The following DACH1 variants were observed in gnomAD, a reference collection of about 807,000 sequenced individuals.
DACH1 encodes dachshund homolog 1.
DACH1 carries 12 observed loss-of-function variants against 54.2 expected under a neutral mutation model. That is an observed-to-expected ratio of 0.22 (90% confidence interval 0.14 to 0.36). DACH1 has a LOEUF of 0.36. DACH1 is among the 10% of genes least tolerant of loss of function. The pLI, the probability that DACH1 is intolerant of heterozygous loss-of-function variation, is 1.00. For synonymous variants in DACH1, 386 were observed against 366.2 expected (o/e 1.05, Z -0.62); for missense variants, 805 against 929.8 (o/e 0.87, Z 1.75).
intron 6 of DACH1, among the ~76,000 whole-genome samples, chr13:71,496,175 T>C (rs1013422546): frequency 6.7e-6 from 1 of 148,770 alleles, no homozygotes; most frequent in Admixed American, 6.8e-5. Context: ...GGGGCAGAGG[T>C]TGCGGTGAGC....
At chr13:71,782,530 TC>T (rs1886428955) in intron 1 of DACH1, among the ~76,000 whole-genome samples, 1 of 152,122 alleles carries the variant, frequency 6.6e-6, no homozygotes, top group Non-Finnish European at 1.5e-5. Flanking sequence ...CTTCCAGTAG[TC>T]CCAGTGCCTA....
intron 1 of DACH1, among the ~76,000 whole-genome samples, chr13:71,721,177 C>T (rs530054060): frequency 5.3e-5 from 8 of 152,184 alleles, no homozygotes; most frequent in African/African-American, 1.7e-4. Context: ...GAGCCTGATG[C>T]CCTCATAATA....
chr13:71,625,226 C>G (rs1876558503), intron 3 of DACH1, among the ~76,000 whole-genome samples: 1 of 151,894 alleles, frequency 6.6e-6, no homozygotes, highest in Non-Finnish European at 1.5e-5. Context: ...ATTCCCTCAT[C>G]TAATTATAGG....
At chr13:71,599,832 C>CAT (rs1874369020) in intron 3 of DACH1, among the ~76,000 whole-genome samples, 1 of 150,596 alleles carries the variant, frequency 6.6e-6, no homozygotes, top group South Asian at 2.1e-4. Flanking sequence ...CATTTCTACA[C>CAT]ACACACACAC....
chr13:71,813,277 T>A (rs569770103), intron 1 of DACH1, among the ~76,000 whole-genome samples: 1 of 152,308 alleles, frequency 6.6e-6, no homozygotes, highest in African/African-American at 2.4e-5. Flanking sequence ...ATAAAATTAT[T>A]TAGTATCACA....
intron 3 of DACH1, among the ~76,000 whole-genome samples, chr13:71,618,628 G>T (rs1273808814): frequency 6.6e-6 from 1 of 150,566 alleles, no homozygotes; most frequent in Non-Finnish European, 1.5e-5. Flanking sequence ...CAGAATTAGG[G>T]TTTTTTTTTA....
chr13:71,628,762 T>C (rs2138564145), intron 3 of DACH1, among the ~76,000 whole-genome samples: 1 of 152,286 alleles, frequency 6.6e-6, no homozygotes, highest in East Asian at 1.9e-4. Flanking sequence ...TCATGTACTA[T>C]CAAATATGAA....
intron 2 of DACH1, among the ~76,000 whole-genome samples, chr13:71,632,477 C>T (rs1489844505): frequency 5.3e-5 from 8 of 149,896 alleles, no homozygotes; most frequent in Non-Finnish European, 8.9e-5. Context: ...GTGCTCCAGC[C>T]GTTCGAATTT....
intron 6 of DACH1, among the ~76,000 whole-genome samples, chr13:71,522,944 A>ACT (rs1881708356): frequency 6.6e-6 from 1 of 152,098 alleles, no homozygotes; most frequent in East Asian, 1.9e-4. Context: ...TGTCTCTCCT[A>ACT]CTGTAAGGAC....
At chr13:71,540,417 T>C (rs1293302832) in intron 6 of DACH1, among the ~76,000 whole-genome samples, 3 of 152,118 alleles carry the variant, frequency 2.0e-5, no homozygotes, top group Admixed American at 2.0e-4. Flanking sequence ...GAAAAATAGA[T>C]TCTGTCACAT....
chr13:71,696,378 C>T (rs1363378707), intron 1 of DACH1, among the ~76,000 whole-genome samples: 1 of 152,018 alleles, frequency 6.6e-6, no homozygotes, highest in African/African-American at 2.4e-5. Flanking sequence ...TGGAATGGTT[C>T]CTTATGAGAG....
chr13:71,638,297 C>T (rs1420066640), intron 2 of DACH1, among the ~76,000 whole-genome samples: 1 of 152,160 alleles, frequency 6.6e-6, no homozygotes, highest in Non-Finnish European at 1.5e-5. Flanking sequence ...GTCGACAGTG[C>T]TCATGCACAG....
intron 1 of DACH1, among the ~76,000 whole-genome samples, chr13:71,818,540 A>G (rs1405290903): frequency 5.3e-5 from 8 of 152,102 alleles, no homozygotes; most frequent in Non-Finnish European, 8.8e-5. Context: ...GTTAATTATC[A>G]TCTCCGGGGC....
rs1555309409 is a variant in DACH1, at chr13:71,675,407, C to A, written c.964+6388G>T. On this transcript the variant is annotated intron_variant, in intron 2 of 10. Transcript: ENST00000613252. ...GACACCAACCTGTGTGCTATCCATGCCAAACGTGTAACAATTATGCCAAAA... is the reference window on the plus strand; with the variant it reads ...GACACCAACCTGTGTGCTATCCATGACAAACGTGTAACAATTATGCCAAAA... 8 of 1,457,284 alleles carry A rather than the reference C, an allele frequency of 5.5e-6. No individual in the cohort carries two copies. The Admixed American group carries it at 1.4e-4, about 26-fold the overall frequency. 90.3% of individuals were successfully genotyped at this position (1,457,284 alleles called of 1,614,324 possible).
rs1274176514 is a variant in DACH1 at position 71,440,364 on chromosome 13, C to G, written c.*291G>C. 9.7e-6 allele frequency: 3 copies of G among 309,494 alleles called. No individual in the cohort carries two copies. 19.2% of individuals were successfully genotyped at this position (309,494 alleles called of 1,614,324 possible). A position where few individuals can be genotyped will look rare whatever the true frequency, so the allele number is the denominator to read the frequency against. On this transcript the variant is annotated 3_prime_UTR_variant, in exon 11 of 11. Coordinates refer to ENST00000613252, the MANE Select transcript of DACH1 (RefSeq NM_080759.6). ...CAAAGCTAGGTCTTATTCAGACCTG[C>G]CTTTAACTCTGTATACAATTGTCCA...
At chr13:71,527,865 T>A (rs1407844779) in intron 6 of DACH1, among the ~76,000 whole-genome samples, 1 of 150,938 alleles carries the variant, frequency 6.6e-6, no homozygotes, top group Non-Finnish European at 1.5e-5. Context: ...AAACTGCAAG[T>A]TACTAATAAA....
rs553889748 is a variant in DACH1 at position 71,610,908 on chromosome 13, T to G, written c.1126+19648A>C. Among the ~76,000 whole-genome samples the G allele has an allele frequency of 4.6e-5, 7 of 152,326 alleles. No homozygotes were observed. In the East Asian group the frequency reaches 9.6e-4, roughly 21 times the overall value. ...GAAATATTTTATACGGGCTAATGTA[T>G]TTTTCTGATCATTTGTTTAACCTAA... On this transcript the variant is annotated intron_variant, in intron 3 of 10. Transcript: ENST00000613252.
At position 71,776,163 on chromosome 13, in the gene DACH1, A is replaced by G. The variant is rs576511381; in HGVS notation, c.848+89759T>C. ...TTCCTGTGTATTTCTCAAAGTCACT[A>G]TTACACTATAAATTTTAGCAGAACC... On this transcript the variant is annotated intron_variant, in intron 1 of 10. Coordinates refer to ENST00000613252, the MANE Select transcript of DACH1 (RefSeq NM_080759.6). Among the ~76,000 whole-genome samples the G allele has an allele frequency of 2.0e-4, 30 of 152,272 alleles. 1 individual carries two copies. In the South Asian group the frequency reaches 6.2e-3, roughly 32 times the overall value.
chr13:71,592,180 C>T (rs1873755955), intron 3 of DACH1, among the ~76,000 whole-genome samples: 1 of 151,914 alleles, frequency 6.6e-6, no homozygotes, highest in Non-Finnish European at 1.5e-5. Flanking sequence ...ATATAAATGG[C>T]ATGAGGAGGA....
Sources: allele counts gnomAD v4.1 joint callset (sites outside exome capture counted in the v4.1 genomes callset), GRCh38; gene constraint gnomAD v4.1.1; transcripts MANE v1.5; gene names NCBI Gene and HGNC (gene_info 2026-07-23, HGNC 2026-07-21).